Variants in ARHGAP42 observed in about 807,000 individuals in gnomAD.
ARHGAP42 encodes the protein rho GTPase-activating protein 42.
A neutral mutation model predicts 125.0 loss-of-function variants in ARHGAP42; 63 were observed. That is an observed-to-expected ratio of 0.50 (90% confidence interval 0.41 to 0.62). The LOEUF (loss-of-function observed/expected upper bound fraction) is 0.62. Among genes scored for constraint, ARHGAP42 ranks in the 20% least tolerant of loss-of-function variants. The pLI, the probability that ARHGAP42 is intolerant of heterozygous loss-of-function variation, is 0.00. For synonymous variants in ARHGAP42, 339 were observed against 351.0 expected, an observed-to-expected ratio of 0.97 and a Z score of 0.38; for missense variants, 766 against 1,024.2, an observed-to-expected ratio of 0.75 and a Z score of 3.44.
intron 3 of ARHGAP42, among the ~76,000 whole-genome samples, chr11:100,811,656 C>T (rs561100412): frequency 1.2e-3 from 180 of 151,990 alleles, no homozygotes; most frequent in South Asian, 7.7e-3. Context: ...TGCACCACCA[C>T]GCCTGGTTAA....
At position 100,858,607 on chromosome 11, in the gene ARHGAP42, A is replaced by C. The variant is rs540629455; in HGVS notation, c.313-947A>C. On this transcript the variant is annotated intron_variant, in intron 3 of 23. Transcript: ENST00000298815. Reference sequence around the variant, plus strand: ...CATATTTTGATATAATTTCAAACTTACAAAAAGGTTAGAAAAATAGTACAT... The same window carrying C: ...CATATTTTGATATAATTTCAAACTTCCAAAAAGGTTAGAAAAATAGTACAT... Among the ~76,000 whole-genome samples, 3 of 152,296 alleles carry C rather than the reference A, an allele frequency of 2.0e-5. No individual in the cohort carries two copies. The South Asian group carries it at 6.2e-4, about 32-fold the overall frequency.
intron 1 of ARHGAP42, among the ~76,000 whole-genome samples, chr11:100,754,621 T>A (rs1231860086): frequency 6.6e-6 from 1 of 152,238 alleles, no homozygotes; most frequent in Non-Finnish European, 1.5e-5. Flanking sequence ...TCTTTATAGA[T>A]GTATTTTTAA....
intron 12 of ARHGAP42, among the ~76,000 whole-genome samples, chr11:100,954,260 G>A (rs947930293): frequency 2.0e-5 from 3 of 152,120 alleles, no homozygotes; most frequent in Non-Finnish European, 2.9e-5. Flanking sequence ...CTCTCATGCA[G>A]TCAGTTCAAA....
intron 4 of ARHGAP42, among the ~76,000 whole-genome samples, chr11:100,908,897 G>A (rs1369823026): frequency 1.3e-5 from 2 of 152,122 alleles, no homozygotes; most frequent in Non-Finnish European, 2.9e-5. Context: ...AGTCTCGCCA[G>A]CATCTGTGGT....
chr11:100,943,240 A>G (rs1867928151), intron 9 of ARHGAP42, among the ~76,000 whole-genome samples: 1 of 151,948 alleles, frequency 6.6e-6, no homozygotes, highest in African/African-American at 2.4e-5. Flanking sequence ...ATACTATTAT[A>G]TCATGTATAT....
chr11:100,792,857 G>T (rs902291931), intron 2 of ARHGAP42, among the ~76,000 whole-genome samples: 1 of 151,154 alleles, frequency 6.6e-6, no homozygotes, highest in Non-Finnish European at 1.5e-5. Flanking sequence ...GGTTCACGCC[G>T]TTCTCCTGCC....
intron 1 of ARHGAP42, among the ~76,000 whole-genome samples, chr11:100,733,676 T>C (rs1170272107): frequency 6.6e-6 from 1 of 151,352 alleles, no homozygotes; most frequent in Non-Finnish European, 1.5e-5. Flanking sequence ...AATAGAAAAA[T>C]TTGCTGAGTG....
chr11:100,978,988 G>C lies in ARHGAP42; in HGVS notation c.2395G>C (p.Val799Leu). 1 of 1,551,446 alleles carries C rather than the reference G, an allele frequency of 6.4e-7. No homozygotes were observed. The highest frequency in any genetic ancestry group is 8.7e-7 in the Non-Finnish European group (1 of 1,146,808). The change falls in exon 22 of 24, where the codon GTG (valine) becomes CTG (leucine). Residue 799 changes from valine (V) to leucine (L), a missense_variant and splice_region_variant. By Grantham distance (32) the Val-to-Leu change is conservative (BLOSUM62 1). Coordinates refer to ENST00000298815, the MANE Select transcript of ARHGAP42 (RefSeq NM_152432.4). ...CTTGCATTTTAAATCATTTTTCAGA[G>C]TGGCAGCAAAAGCTCAACTGTTTGA... Reference protein sequence around the residue: ...SNGYQRPGSVVAAKAQLFENV... With the variant: ...SNGYQRPGSVLAAKAQLFENV...
At chr11:100,723,528 T>A (rs1861802165) in intron 1 of ARHGAP42, among the ~76,000 whole-genome samples, 1 of 152,146 alleles carries the variant, frequency 6.6e-6, no homozygotes, top group African/African-American at 2.4e-5. Flanking sequence ...TTTTTTTTTC[T>A]TTATGGTGAA....
chr11:100,837,304 C>A (rs1348802499), intron 3 of ARHGAP42, among the ~76,000 whole-genome samples: 1 of 151,948 alleles, frequency 6.6e-6, no homozygotes, highest in Non-Finnish European at 1.5e-5. Context: ...ACCACAGAAT[C>A]TTTTTTTCAA....
At chr11:100,776,866 C>A (rs937386776) in intron 2 of ARHGAP42, among the ~76,000 whole-genome samples, 1 of 151,746 alleles carries the variant, frequency 6.6e-6, no homozygotes, top group African/African-American at 2.4e-5. Flanking sequence ...GCCTGTAATC[C>A]CAGCTACTCG....
intron 6 of ARHGAP42, among the ~76,000 whole-genome samples, chr11:100,926,560 A>G (rs1867430036): frequency 6.6e-6 from 1 of 152,222 alleles, no homozygotes; most frequent in Non-Finnish European, 1.5e-5. Flanking sequence ...TAGCTTAACG[A>G]GTTGGAATAA....
intron 1 of ARHGAP42, among the ~76,000 whole-genome samples, chr11:100,715,430 C>G (rs1861643886): frequency 6.6e-6 from 1 of 152,102 alleles, no homozygotes; most frequent in African/African-American, 2.4e-5. Context: ...GGGGCATGCA[C>G]AGAAAAGACT....
chr11:100,901,379 T>A (rs1866542067), intron 4 of ARHGAP42, among the ~76,000 whole-genome samples: 1 of 152,242 alleles, frequency 6.6e-6, no homozygotes. Context: ...GAGACCCACT[T>A]GAGGAGGCAG....
At chr11:100,727,094 A>C (rs1394393252) in intron 1 of ARHGAP42, among the ~76,000 whole-genome samples, 1 of 152,232 alleles carries the variant, frequency 6.6e-6, no homozygotes, top group Admixed American at 6.5e-5. Flanking sequence ...TAGATGAAAG[A>C]AATGAAGGCT....
intron 3 of ARHGAP42, among the ~76,000 whole-genome samples, chr11:100,843,694 C>A (rs1591230627): frequency 6.6e-6 from 1 of 152,006 alleles, no homozygotes; most frequent in South Asian, 2.1e-4. Context: ...GAACTCAATC[C>A]CTTTTACAAT....
At chr11:100,799,922 A>G (rs780338564) in intron 3 of ARHGAP42, among the ~76,000 whole-genome samples, 6 of 152,162 alleles carry the variant, frequency 3.9e-5, no homozygotes, top group Non-Finnish European at 8.8e-5. Context: ...ACAAGTGGAG[A>G]ATAGTGTTAT....
intron 3 of ARHGAP42, among the ~76,000 whole-genome samples, chr11:100,801,644 T>A (rs1222100734): frequency 6.6e-6 from 1 of 152,236 alleles, no homozygotes. Flanking sequence ...TTTACATTTC[T>A]GCTAAAGCCA....
At chr11:100,985,685 G>A (rs1213678103) in intron 22 of ARHGAP42, among the ~76,000 whole-genome samples, 1 of 152,190 alleles carries the variant, frequency 6.6e-6, no homozygotes, top group East Asian at 1.9e-4. Context: ...TGGGCTGAGG[G>A]TCATTCCCAA....
Sources: gnomAD v4.1 joint callset for allele counts (sites outside exome capture counted in the v4.1 genomes callset) on GRCh38, gnomAD v4.1.1 for gene constraint, MANE v1.5 for transcripts, NCBI Gene and HGNC (gene_info 2026-07-23, HGNC 2026-07-21) for gene names.